Variants in HIVEP3 observed in about 807,000 individuals in gnomAD.
HIVEP3 encodes the protein HIVEP zinc finger 3.
HIVEP3 carries 49 observed loss-of-function variants against 152.8 expected under a neutral mutation model. That is an observed-to-expected ratio of 0.32 (90% CI 0.26 to 0.41). The LOEUF (loss-of-function observed/expected upper bound fraction) is 0.41, where lower values mean the gene tolerates loss of function less well. HIVEP3 is among the 10% of genes least tolerant of loss of function. The pLI is 1.00. For missense variants in HIVEP3, 2,790 were observed against 3,103.3 expected (o/e 0.90, Z 2.40); for synonymous variants, 1,269 against 1,289.0 (o/e 0.98, Z 0.33).
intron 1 of HIVEP3, among the ~76,000 whole-genome samples, chr1:41,985,123 C>G (rs1645314846): frequency 6.6e-6 from 1 of 152,104 alleles, no homozygotes; most frequent in Admixed American, 6.5e-5. Context: ...AAGGAGCTAG[C>G]CATGGGAAGA....
chr1:41,845,373 C>T (rs187086701), intron 1 of HIVEP3, among the ~76,000 whole-genome samples: 1 of 151,282 alleles, frequency 6.6e-6, no homozygotes, highest in Non-Finnish European at 1.5e-5. Flanking sequence ...TTCACTGTCT[C>T]CATCAGCAAC....
At chr1:41,738,501 T>C (rs1646950716) in intron 1 of HIVEP3, among the ~76,000 whole-genome samples, 1 of 152,202 alleles carries the variant, frequency 6.6e-6, no homozygotes, top group African/African-American at 2.4e-5. Flanking sequence ...TCATTGACTC[T>C]TCTCTGTGGA....
In HIVEP3 at chr1:41,857,195, A is replaced by T. The variant is rs1643791728; in HGVS notation, c.-801+61218T>A. On this transcript the variant is annotated intron_variant, in intron 1 of 8. Coordinates refer to ENST00000372583, the MANE Select transcript of HIVEP3 (RefSeq NM_024503.5). The stretch of plus-strand genomic sequence containing the variant: ...ATCCAGCCCTCCTCCCCCATTCCAC[A>T]AGAGGCCCCTCTCCCTGGACACAGG... Among the ~76,000 whole-genome samples the T allele has an allele frequency of 1.3e-5, 2 of 151,916 alleles. 1 individual carries two copies. Among genetic ancestry groups the T allele is most frequent in the South Asian group, 4.2e-4 (2 of 4,794 alleles).
intron 5 of HIVEP3, among the ~76,000 whole-genome samples, chr1:41,544,876 CTACCACCTCTACCACCACCAT>C (rs1558046523): frequency 4.1e-5 from 3 of 72,684 alleles, no homozygotes; most frequent in African/African-American, 1.7e-4. Context: ...ACCACCACCA[CTACCACCTCTACCACCACCAT>C]CACCACCACC....
At chr1:41,865,801 C>T (rs894052835) in intron 1 of HIVEP3, among the ~76,000 whole-genome samples, 1 of 152,090 alleles carries the variant, frequency 6.6e-6, no homozygotes, top group Non-Finnish European at 1.5e-5. Flanking sequence ...GGACAAAGTG[C>T]AACAGCTTTA....
At position 41,676,214 on chromosome 1, in the gene HIVEP3, A is replaced by G. The variant is rs965718944; in HGVS notation, c.-721+24702T>C. Among the ~76,000 whole-genome samples the G allele has an allele frequency of 2.0e-5, 3 of 151,990 alleles. No homozygotes were observed. In the East Asian group the frequency reaches 5.8e-4, roughly 29 times the overall value. On this transcript the variant is annotated intron_variant, in intron 2 of 8. Coordinates refer to ENST00000372583, the MANE Select transcript of HIVEP3 (RefSeq NM_024503.5). ...TTACAGGAATGTGCCACCATGCCCCACTAATTTTTGTATTTTTAGTAGAGA... is the reference window on the plus strand; with the variant it reads ...TTACAGGAATGTGCCACCATGCCCCGCTAATTTTTGTATTTTTAGTAGAGA...
chr1:41,583,200 G>C lies in HIVEP3; in HGVS notation c.1598C>G (p.Pro533Arg), dbSNP rs374942605. Reference protein sequence around the residue: ...LSLQHPPSTAPPVPLLRSHSM... With the variant: ...LSLQHPPSTARPVPLLRSHSM... ...GTGGCTTCTCAGGAGAGGCACAGGG[G>C]GGGCGGTACTGGGCGGGTGCTGGAG... The change falls in exon 4 of 9, where the codon CCC becomes CGC. Residue 533 changes from proline to arginine, a missense_variant. This residue lies in a region of HIVEP3 where 339 missense variants were observed against 327.0 expected (regional missense o/e 1.04). Coordinates refer to ENST00000372583, the MANE Select transcript of HIVEP3 (RefSeq NM_024503.5). The surrounding 1 kb of genome is among the most constrained non-coding windows in gnomAD (Gnocchi z 6.9). 53 of 1,611,132 alleles carry C rather than the reference G, an allele frequency of 3.3e-5. No individual in the cohort carries two copies. The highest frequency in any genetic ancestry group is 1.6e-4 in the Middle Eastern group (1 of 6,072).
At position 41,581,331 on chromosome 1, in the gene HIVEP3, G is replaced by C; in HGVS notation, c.3467C>G (p.Pro1156Arg). Residue 1156 changes from proline to arginine, a missense_variant, in exon 4 of 9, where the codon CCA becomes CGA. Transcript: ENST00000372583. The surrounding 1 kb of genome is among the most constrained non-coding windows in gnomAD (Gnocchi z 4.5). ...FSFQHLVQHE[P>R]GQSPEFFSTQ... is the part of the protein sequence containing the mutation. The stretch of plus-strand genomic sequence containing the variant: ...GGAGAAGAATTCTGGAGACTGTCCT[G>C]GCTCATGCTGCACGAGATGCTGGAA... 6.2e-7 allele frequency: 1 copy of C among 1,613,788 alleles called. No individual in the cohort carries two copies. Among genetic ancestry groups the C allele is most frequent in the Middle Eastern group, 1.6e-4 (1 of 6,062 alleles).
chr1:41,649,041 G>T (rs1645505203), intron 2 of HIVEP3, among the ~76,000 whole-genome samples: 1 of 152,222 alleles, frequency 6.6e-6, no homozygotes, highest in Non-Finnish European at 1.5e-5. Context: ...ACCTGCTTTG[G>T]ATCATATAAT....
At chr1:41,528,594 C>A (rs1643105873) in intron 5 of HIVEP3, among the ~76,000 whole-genome samples, 1 of 57,330 alleles carries the variant, frequency 1.7e-5, no homozygotes. Context: ...TCACACACCC[C>A]ACCCTCACAC....
At chr1:41,527,242 C>CT (rs1642998188) in intron 5 of HIVEP3, among the ~76,000 whole-genome samples, 4 of 58,032 alleles carry the variant, frequency 6.9e-5, no homozygotes, top group African/African-American at 8.1e-5. Flanking sequence ...ACACACTCAC[C>CT]TCACACACAC....
At chr1:42,035,632 G>A (rs1456168096) in intron 1 of HIVEP3, among the ~76,000 whole-genome samples, 1 of 152,004 alleles carries the variant, frequency 6.6e-6, no homozygotes, top group Non-Finnish European at 1.5e-5. Context: ...CCAGCTGAGG[G>A]GGCCGGCGCC....
At chr1:41,712,337 C>G (rs1221855037) in intron 1 of HIVEP3, among the ~76,000 whole-genome samples, 1 of 152,238 alleles carries the variant, frequency 6.6e-6, no homozygotes, top group East Asian at 1.9e-4. Context: ...TTGTGCGCAC[C>G]AGGCACTGCT....
upstream of HIVEP3, among the ~76,000 whole-genome samples, chr1:41,919,425 T>G (rs1252747105): frequency 2.0e-5 from 3 of 152,226 alleles, no homozygotes; most frequent in Non-Finnish European, 4.4e-5. Flanking sequence ...TGCCCTGCCT[T>G]GCTCTGCAGT....
chr1:41,658,098 G>C (rs1645656062), intron 2 of HIVEP3, among the ~76,000 whole-genome samples: 3 of 152,206 alleles, frequency 2.0e-5, no homozygotes, highest in Admixed American at 1.3e-4. Flanking sequence ...TCAATTCTCA[G>C]ACCATTTTCT....
At chr1:41,790,108 T>A (rs1239894244) in intron 1 of HIVEP3, among the ~76,000 whole-genome samples, 1 of 152,210 alleles carries the variant, frequency 6.6e-6, no homozygotes, top group Non-Finnish European at 1.5e-5. Flanking sequence ...AACTGCGTGC[T>A]ATGATTTGGA....
At position 41,944,478 on chromosome 1, in the gene HIVEP3, C is replaced by T. The variant is rs544212714; in HGVS notation, n.120-25954G>A. ...CATGTTACCTACACTCTCTCTGAAA[C>T]GAATTTGCATAAGAACTGTTGTTTA... On this transcript the variant is annotated intron_variant and non_coding_transcript_variant, in intron 1 of 3. Transcript: ENST00000489103. Among the ~76,000 whole-genome samples the T allele has an allele frequency of 7.9e-5, 12 of 152,218 alleles. No homozygotes were observed. In the South Asian group the frequency reaches 1.5e-3, roughly 18 times the overall value.
chr1:41,757,209 A>G (rs1450061829), intron 1 of HIVEP3, among the ~76,000 whole-genome samples: 3 of 151,048 alleles, frequency 2.0e-5, no homozygotes, highest in South Asian at 2.1e-4. Flanking sequence ...TCTGCCTCCC[A>G]GGTTCACGCC....
At position 41,628,773 on chromosome 1, in the gene HIVEP3, T is replaced by C. The variant is rs1202867715; in HGVS notation, c.-546A>G. 2 of 1,232,084 alleles carry C rather than the reference T, an allele frequency of 1.6e-6. No individual in the cohort carries two copies. The highest frequency in any genetic ancestry group is 2.0e-6 in the Non-Finnish European group (2 of 988,000). The allele number at this position is 1,232,084 out of a possible 1,614,324, so 76.3% of individuals were successfully genotyped here. A position where few individuals can be genotyped will look rare whatever the true frequency, so the allele number is the denominator to read the frequency against. ...CCTGTGCTGAAGGCACCACTTCCGA[T>C]GACCAAAACTGAAACGCTGTTCTCT... On this transcript the variant is annotated 5_prime_UTR_variant, in exon 3 of 9. Transcript: ENST00000372583.
Sources: gnomAD v4.1 joint callset for allele counts (sites outside exome capture counted in the v4.1 genomes callset) on GRCh38, gnomAD v4.1.1 for gene constraint, gnomAD v4.1.1 regional missense constraint, Gnocchi (gnomAD v3.1) non-coding constraint, MANE v1.5 for transcripts, NCBI Gene and HGNC (gene_info 2026-07-23, HGNC 2026-07-21) for gene names.